Variants in RAP1B observed in about 807,000 individuals in gnomAD.
RAP1B encodes the protein ras-related protein Rap-1b.
RAP1B carries 1 observed loss-of-function variant against 27.5 expected under a neutral mutation model. That is an observed-to-expected ratio of 0.04 (90% CI 0.01 to 0.17). The LOEUF is 0.17. Ranked by LOEUF, RAP1B falls within the 10% of genes least tolerant of loss-of-function variation. The pLI is 1.00. For missense variants in RAP1B, 84 were observed against 214.8 expected (o/e 0.39, Z 3.81); for synonymous variants, 75 against 73.1 (o/e 1.03, Z -0.13).
intron 1 of RAP1B, among the ~76,000 whole-genome samples, chr12:68,614,559 C>T (rs1870842703): frequency 6.6e-6 from 1 of 152,224 alleles, no homozygotes; most frequent in Non-Finnish European, 1.5e-5. Context: ...CTTAAACTTT[C>T]TGAGACATAG....
At chr12:68,655,019 G>A (rs1424379888) in intron 5 of RAP1B, among the ~76,000 whole-genome samples, 3 of 152,050 alleles carry the variant, frequency 2.0e-5, no homozygotes, top group African/African-American at 7.2e-5. Context: ...TCTGCATACT[G>A]TAAGAACCAG....
chr12:68,616,438 A>ATTTTTTTT (rs142174644), intron 1 of RAP1B, among the ~76,000 whole-genome samples: 1 of 89,450 alleles, frequency 1.1e-5, no homozygotes, highest in Admixed American at 1.3e-4. Flanking sequence ...TGCCTGGCTA[A>ATTTTTTTT]TTTTTTTTTT....
intron 6 of RAP1B, chr12:68,656,685 A>G (rs1397772618): frequency 1.7e-6 from 1 of 575,022 alleles, no homozygotes; most frequent in East Asian, 2.9e-5. Flanking sequence ...TGGACAGAAA[A>G]TACATGGATA....
intron 1 of RAP1B, among the ~76,000 whole-genome samples, chr12:68,636,761 C>T (rs796132238): frequency 5.9e-5 from 9 of 151,908 alleles, no homozygotes; most frequent in African/African-American, 2.2e-4. Flanking sequence ...TCAAGCAATT[C>T]TCCTGCCTCA....
chr12:68,622,366 A>G (rs1217436352), intron 1 of RAP1B, among the ~76,000 whole-genome samples: 1 of 152,218 alleles, frequency 6.6e-6, no homozygotes, highest in Non-Finnish European at 1.5e-5. Flanking sequence ...AAATCAGATC[A>G]TGTAATACCC....
At chr12:68,623,247 G>A (rs1404940208) in intron 1 of RAP1B, among the ~76,000 whole-genome samples, 2 of 152,070 alleles carry the variant, frequency 1.3e-5, no homozygotes, top group Non-Finnish European at 2.9e-5. Flanking sequence ...ATATAAATGA[G>A]TGCTTATTAG....
At position 68,656,456 on chromosome 12, in the gene RAP1B, T is replaced by G; in HGVS notation, c.468+7T>G. 1 of 1,601,134 alleles carries G rather than the reference T, an allele frequency of 6.2e-7. No individual in the cohort carries two copies. Among genetic ancestry groups the G allele is most frequent in the Non-Finnish European group, 8.6e-7 (1 of 1,168,550 alleles). Reference sequence around the variant, plus strand: ...AAAAATAAATGTTAATGAGGTATGGTCAAATATACTTAAAATGGGTCTTCA... The same window carrying G: ...AAAAATAAATGTTAATGAGGTATGGGCAAATATACTTAAAATGGGTCTTCA... On this transcript the variant is annotated splice_region_variant and intron_variant, in intron 6 of 7. Transcript: ENST00000250559.
chr12:68,666,026 T>G lies in RAP1B; in HGVS notation c.*6777T>G, dbSNP rs2135981307. On this transcript the variant is annotated 3_prime_UTR_variant, in exon 8 of 8. Coordinates refer to ENST00000250559, the MANE Select transcript of RAP1B (RefSeq NM_001010942.3). ...TGCCACCAAGCCCTGCTAATTTTTC[T>G]ATTTTTAGTAGAGACGGGGTTTCGC... 1 of 152,390 alleles carries G rather than the reference T, an allele frequency of 6.6e-6. No homozygotes were observed. The highest frequency in any genetic ancestry group is 2.4e-5 in the African/African-American group (1 of 41,568). The allele number at this position is 152,390 out of a possible 1,614,324, so 9.4% of individuals were successfully genotyped here.
At chr12:68,648,810 T>A (rs1210178545) in intron 2 of RAP1B, 29 bp downstream of exon 2, 4 of 1,582,412 alleles carry the variant, frequency 2.5e-6, no homozygotes, top group Admixed American at 1.9e-5. Context: ...ACCTAAGCCT[T>A]TCACTCCAAG....
intron 1 of RAP1B, among the ~76,000 whole-genome samples, chr12:68,617,614 G>T (rs1871119909): frequency 6.6e-6 from 1 of 152,154 alleles, no homozygotes; most frequent in African/African-American, 2.4e-5. Flanking sequence ...TCACTACAAT[G>T]ACTTTTTTAA....
Position 68,668,454 on chromosome 12 carries a change from A to G in RAP1B, c.*9205A>G, listed in dbSNP as rs911817154. ...CTGCTTTATCTCACTTTGAAAAAGA[A>G]AAGTTACAAATTCTAGTAAGCAAAA... On this transcript the variant is annotated 3_prime_UTR_variant, in exon 8 of 8. Transcript: ENST00000250559. 6.6e-6 allele frequency: 1 copy of G among 152,258 alleles called. No homozygotes were observed. The highest frequency in any genetic ancestry group is 2.4e-5 in the African/African-American group (1 of 41,470). The allele number at this position is 152,258 out of a possible 1,614,324, so 9.4% of individuals were successfully genotyped here.
intron 1 of RAP1B, among the ~76,000 whole-genome samples, chr12:68,632,356 A>T (rs563371345): frequency 3.6e-4 from 54 of 151,514 alleles, no homozygotes; most frequent in African/African-American, 1.3e-3. Context: ...CTGGTCTCAA[A>T]CTCCTGGCCT....
intron 1 of RAP1B, among the ~76,000 whole-genome samples, chr12:68,628,390 G>T (rs1046936881): frequency 3.3e-5 from 5 of 152,322 alleles, no homozygotes; most frequent in African/African-American, 1.2e-4. Context: ...GGTGTTTGTG[G>T]CTATGTTAGC....
At chr12:68,621,674 C>G (rs1871394640) in intron 1 of RAP1B, among the ~76,000 whole-genome samples, 1 of 152,158 alleles carries the variant, frequency 6.6e-6, no homozygotes, top group Non-Finnish European at 1.5e-5. Context: ...CTGTTAAAAG[C>G]AATTCACTTC....
intron 7 of RAP1B, 119 bp downstream of exon 7, chr12:68,657,336 A>C: frequency 1.6e-6 from 1 of 626,840 alleles, no homozygotes; most frequent in Non-Finnish European, 2.8e-6. Context: ...GTTTATTTTT[A>C]TAAGATATCC....
intron 7 of RAP1B, chr12:68,657,527 C>A (rs1874291350): frequency 1.2e-5 from 2 of 173,870 alleles, no homozygotes; most frequent in South Asian, 2.7e-4. Context: ...GCCTCAGCCT[C>A]CCGAGTAGCT....
chr12:68,627,086 C>G, intron 1 of RAP1B: 1 of 1,593,456 alleles, frequency 6.3e-7, no homozygotes, highest in African/African-American at 1.3e-5. Context: ...GCTCCTTGTT[C>G]TGCAGCTTGG....
chr12:68,659,164 A>G (rs899507209), intron 7 of RAP1B, 116 bp from the exon 8 acceptor site: 11 of 426,880 alleles, frequency 2.6e-5, no homozygotes, highest in Non-Finnish European at 4.6e-5. Flanking sequence ...TGCCTAGAAC[A>G]AGAGCCTAGA....
chr12:68,652,054 A>G lies in RAP1B; in HGVS notation c.183+3A>G. 1 of 1,608,618 alleles carries G rather than the reference A, an allele frequency of 6.2e-7. No homozygotes were observed. Among genetic ancestry groups the G allele is most frequent in the Non-Finnish European group, 8.5e-7 (1 of 1,175,128 alleles). On this transcript the variant is annotated splice_donor_region_variant and intron_variant, in intron 4 of 7. Transcript: ENST00000250559. ...AAATCTTGGATACTGCAGGAACGGT[A>G]GGTAAAACTAAATACCAAAGTATAT...
Sources: gnomAD v4.1 joint callset for allele counts (sites outside exome capture counted in the v4.1 genomes callset) on GRCh38, gnomAD v4.1.1 for gene constraint, MANE v1.5 for transcripts, NCBI Gene and HGNC (gene_info 2026-07-23, HGNC 2026-07-21) for gene names.